EBF1: variants seen among roughly 807,000 people sequenced by gnomAD.
EBF1 encodes transcription factor COE1.
Under a neutral mutation model 68.4 loss-of-function variants are expected in EBF1, and 10 were observed. The ratio of observed to expected loss-of-function variants is 0.15; its 90% confidence interval spans 0.09 to 0.25. The LOEUF is 0.25. EBF1 is among the 10% of genes least tolerant of loss of function. The probability of loss-of-function intolerance (pLI) is 1.00; values close to 1 mark genes in which losing one functional copy is unlikely to be tolerated. For missense variants in EBF1, 509 were observed against 794.4 expected (o/e 0.64, Z 4.32); for synonymous variants, 298 against 299.8 (o/e 0.99, Z 0.06).
chr5:158,967,582 C>A (rs1754430752), intron 6 of EBF1, among the ~76,000 whole-genome samples: 1 of 152,066 alleles, frequency 6.6e-6, no homozygotes, highest in Admixed American at 6.6e-5. Flanking sequence ...TGTAGTTGCT[C>A]AGAAGCCAAA....
intron 10 of EBF1, among the ~76,000 whole-genome samples, chr5:158,768,434 A>T (rs1773208925): frequency 6.6e-6 from 1 of 152,188 alleles, no homozygotes; most frequent in Non-Finnish European, 1.5e-5. Flanking sequence ...ATGCATAGGA[A>T]AAATACTGCA....
intron 6 of EBF1, among the ~76,000 whole-genome samples, chr5:159,015,541 G>A (rs143439430): frequency 2.4e-4 from 37 of 152,274 alleles, no homozygotes; most frequent in Admixed American, 4.6e-4. Context: ...GTCTTGGGCC[G>A]GGCTGTTCTC....
At chr5:158,752,327 CAAAA>C (rs199938065) in intron 10 of EBF1, among the ~76,000 whole-genome samples, 8,967 of 104,924 alleles carry the variant, frequency 0.085, 860 homozygotes, top group African/African-American at 0.26. Flanking sequence ...GTATTTATTC[CAAAA>C]AAAAAAAAAA....
chr5:158,879,290 A>T (rs1798389045), intron 6 of EBF1, among the ~76,000 whole-genome samples: 1 of 152,226 alleles, frequency 6.6e-6, no homozygotes, highest in Admixed American at 6.5e-5. Context: ...GCAACATATG[A>T]TTCTACCATA....
At chr5:158,897,281 T>C (rs1802360296) in intron 6 of EBF1, among the ~76,000 whole-genome samples, 1 of 152,156 alleles carries the variant, frequency 6.6e-6, no homozygotes, top group Non-Finnish European at 1.5e-5. Context: ...TGGATGGAGC[T>C]GGAGGCCATT....
rs559702864 is a variant in EBF1, at chr5:159,023,488, C to T, written c.554+49908G>A. On this transcript the variant is annotated intron_variant, in intron 6 of 15. Transcript: ENST00000313708. ...TGTCCCTGTGCCTCATACTGATAGACTTGACCCCACTGTGTTCCACGGTCT... is the reference window on the plus strand; with the variant it reads ...TGTCCCTGTGCCTCATACTGATAGATTTGACCCCACTGTGTTCCACGGTCT... Among the ~76,000 whole-genome samples, 191 of 152,280 alleles carry T rather than the reference C, an allele frequency of 1.3e-3. 2 individuals carry two copies. The highest frequency in any genetic ancestry group is 4.3e-3 in the African/African-American group (180 of 41,546).
chr5:158,742,418 T>A (rs897749129), intron 10 of EBF1, among the ~76,000 whole-genome samples: 1 of 152,212 alleles, frequency 6.6e-6, no homozygotes, highest in Non-Finnish European at 1.5e-5. Flanking sequence ...AACTGTAAAG[T>A]GAAGATTTAA....
chr5:158,969,059 T>C (rs1336968912), intron 6 of EBF1, among the ~76,000 whole-genome samples: 2 of 152,192 alleles, frequency 1.3e-5, no homozygotes, highest in African/African-American at 4.8e-5. Context: ...CCCAGAACTT[T>C]GGGAGGTTGA....
intron 10 of EBF1, among the ~76,000 whole-genome samples, chr5:158,760,769 TTTC>T (rs756307749): frequency 4.1e-4 from 63 of 152,286 alleles, no homozygotes; most frequent in African/African-American, 1.5e-3. Context: ...TTGCTTCATT[TTTC>T]TTCTTATTAT....
intron 6 of EBF1, among the ~76,000 whole-genome samples, chr5:158,918,899 G>A (rs1268264479): frequency 7.2e-5 from 11 of 152,216 alleles, no homozygotes; most frequent in Non-Finnish European, 5.9e-5. Flanking sequence ...TTGAAATTTA[G>A]GTTAAGGGAG....
At chr5:158,709,127 G>A (rs889120964) in intron 14 of EBF1, among the ~76,000 whole-genome samples, 1 of 152,118 alleles carries the variant, frequency 6.6e-6, no homozygotes, top group Non-Finnish European at 1.5e-5. Context: ...GCTAAGTCAA[G>A]ACTAATATTT....
At chr5:158,709,675 C>A (rs1758726851) in intron 14 of EBF1, among the ~76,000 whole-genome samples, 1 of 152,236 alleles carries the variant, frequency 6.6e-6, no homozygotes, top group South Asian at 2.1e-4. Context: ...GGGCAGAATG[C>A]AGAGCCACCA....
chr5:159,036,584 G>C (rs1770131011), intron 6 of EBF1, among the ~76,000 whole-genome samples: 1 of 108,706 alleles, frequency 9.2e-6, no homozygotes, highest in Admixed American at 9.9e-5. Context: ...AATGGTGCTG[G>C]GAAAACTGGC....
chr5:158,936,502 A>G (rs1812047328), intron 6 of EBF1, among the ~76,000 whole-genome samples: 2 of 152,224 alleles, frequency 1.3e-5, no homozygotes, highest in Admixed American at 6.5e-5. Flanking sequence ...CCTGGCACAT[A>G]TGAGTGCACC....
chr5:158,759,152 C>A (rs546593748), intron 10 of EBF1, among the ~76,000 whole-genome samples: 3 of 152,156 alleles, frequency 2.0e-5, no homozygotes, highest in Admixed American at 2.0e-4. Flanking sequence ...GACTCAGTGA[C>A]GACTTTCAAT....
chr5:158,972,744 G>C (rs1583579175), intron 6 of EBF1, among the ~76,000 whole-genome samples: 3 of 152,132 alleles, frequency 2.0e-5, no homozygotes, highest in Non-Finnish European at 2.9e-5. Flanking sequence ...TAGCGCCCAC[G>C]GGGCCCAAGA....
At chr5:158,772,172 C>T (rs1021420223) in intron 10 of EBF1, among the ~76,000 whole-genome samples, 1 of 152,116 alleles carries the variant, frequency 6.6e-6, no homozygotes, top group Non-Finnish European at 1.5e-5. Context: ...CGTACTGTGA[C>T]AAAGAATTTA....
chr5:158,704,646 T>A (rs1202383202), intron 15 of EBF1, among the ~76,000 whole-genome samples: 2 of 151,570 alleles, frequency 1.3e-5, no homozygotes, highest in African/African-American at 4.9e-5. Flanking sequence ...TTTTTTATGG[T>A]AGAAATAGTT....
chr5:158,994,582 C>T (rs996150156), intron 6 of EBF1, among the ~76,000 whole-genome samples: 1 of 152,226 alleles, frequency 6.6e-6, no homozygotes, highest in East Asian at 1.9e-4. Context: ...TTTCTTGGAA[C>T]TCTACGCCTA....
Sources: gnomAD v4.1 joint callset for allele counts (sites outside exome capture counted in the v4.1 genomes callset) on GRCh38, gnomAD v4.1.1 for gene constraint, MANE v1.5 for transcripts, NCBI Gene and HGNC (gene_info 2026-07-23, HGNC 2026-07-21) for gene names.